Variants in PARVB observed in about 807,000 individuals in gnomAD.
PARVB encodes the protein beta-parvin.
A neutral mutation model predicts 47.0 loss-of-function variants in PARVB; 46 were observed. That is an observed-to-expected ratio of 0.98 (90% CI 0.77 to 1.25). The LOEUF (loss-of-function observed/expected upper bound fraction) is 1.25. Among genes scored for constraint, PARVB ranks in the 50% most tolerant of loss-of-function variants. The probability of loss-of-function intolerance (pLI) is 0.00; values close to 1 mark genes in which losing one functional copy is unlikely to be tolerated. For synonymous variants in PARVB, 196 were observed against 196.3 expected (o/e 1.00, Z 0.01); for missense variants, 473 against 471.6 (o/e 1.00, Z -0.03).
At chr22:44,076,476 C>T (rs1268326397) in intron 1 of PARVB, among the ~76,000 whole-genome samples, 1 of 152,166 alleles carries the variant, frequency 6.6e-6, no homozygotes, top group Non-Finnish European at 1.5e-5. Context: ...AGGGTGCAGC[C>T]CAGGGGTTCT....
rs764176950 is a variant in PARVB at position 44,079,387 on chromosome 22, G to A, written c.113-14541G>A. Reference sequence around the variant, plus strand: ...AGGATCGAGAAGCCATCTGTGTCACGTGTTCTTGGGGACAAAGAGGAGACA... The same window carrying A: ...AGGATCGAGAAGCCATCTGTGTCACATGTTCTTGGGGACAAAGAGGAGACA... On this transcript the variant is annotated intron_variant, in intron 1 of 12. Coordinates refer to ENST00000338758, the MANE Select transcript of PARVB (RefSeq NM_013327.5). 6.6e-5 allele frequency among the ~76,000 whole-genome samples: 10 copies of A among 152,298 alleles called. No individual in the cohort carries two copies. The South Asian group carries it at 1.0e-3, about 16-fold the overall frequency.
At position 44,058,747 on chromosome 22, in the gene PARVB, G is replaced by T. The variant is rs2051362643; in HGVS notation, c.112+34296G>T. On this transcript the variant is annotated intron_variant, in intron 1 of 12. Transcript: ENST00000338758. ...TTTTTGTATTTTTAGTAAAAATGGG[G>T]TTTCACTCTGTTGCGCAGGGTGGTC... 2.6e-5 allele frequency among the ~76,000 whole-genome samples: 4 copies of T among 151,960 alleles called. No homozygotes were observed. In the South Asian group the frequency reaches 8.3e-4, roughly 32 times the overall value.
chr22:44,112,275 A>G (rs997352960), intron 3 of PARVB: 1 of 152,096 alleles, frequency 6.6e-6, no homozygotes, highest in Admixed American at 6.6e-5. Flanking sequence ...TGGCTGGGTC[A>G]GTCTTCAAGA....
At chr22:44,121,252 T>C (rs556546515) in intron 4 of PARVB, among the ~76,000 whole-genome samples, 1 of 152,312 alleles carries the variant, frequency 6.6e-6, no homozygotes, top group Admixed American at 6.5e-5. Flanking sequence ...TTCTCTCATG[T>C]TGGCCTCCCA....
chr22:44,063,147 C>T (rs777166095), intron 1 of PARVB, among the ~76,000 whole-genome samples: 13 of 152,116 alleles, frequency 8.5e-5, no homozygotes, highest in South Asian at 2.1e-4. Flanking sequence ...AAAGATTGTC[C>T]TGGCACCTGG....
rs573482213 is a variant in PARVB, at chr22:44,016,327, A to G, written c.211+16654A>G. On this transcript the variant is annotated intron_variant, in intron 2 of 13. Coordinates refer to the PARVB transcript ENST00000406477. ...TAGCCAGGATGGTCTCGATCTCCTG[A>G]CTTCGTGATCCGCCCGCCTCAGCCT... is the stretch of plus-strand genomic sequence containing the variant. 2.6e-5 allele frequency among the ~76,000 whole-genome samples: 4 copies of G among 151,720 alleles called. No individual in the cohort carries two copies. The East Asian group carries it at 7.8e-4, about 29-fold the overall frequency.
At chr22:44,052,175 C>G (rs1371660575) in intron 1 of PARVB, among the ~76,000 whole-genome samples, 1 of 152,194 alleles carries the variant, frequency 6.6e-6, no homozygotes, top group African/African-American at 2.4e-5. Flanking sequence ...CTAATTGCCT[C>G]GGCGGTTCTC....
chr22:44,119,235 A>T (rs2052985637), intron 4 of PARVB, 95 bp downstream of exon 4: 1 of 855,436 alleles, frequency 1.2e-6, no homozygotes, highest in African/African-American at 1.6e-5. Context: ...CATCGGCCAC[A>T]GGTCCTAGGA....
intron 4 of PARVB, among the ~76,000 whole-genome samples, chr22:44,129,340 T>G (rs2053259474): frequency 6.6e-6 from 1 of 152,148 alleles, no homozygotes. Context: ...CTCCGTTGTT[T>G]AAGCCGCACG....
At position 44,125,469 on chromosome 22, in the gene PARVB, G is replaced by A. The variant is rs988019556; in HGVS notation, c.377-6018G>A. ...TAATAGAAGGTTATGGGGTACAGTGGTGGGTGGGGGTTGGGGAAGGCAATC... is the reference window on the plus strand; with the variant it reads ...TAATAGAAGGTTATGGGGTACAGTGATGGGTGGGGGTTGGGGAAGGCAATC... On this transcript the variant is annotated intron_variant, in intron 4 of 12. Coordinates refer to ENST00000338758, the MANE Select transcript of PARVB (RefSeq NM_013327.5). The surrounding 1 kb of genome is among the most constrained non-coding windows in gnomAD (Gnocchi z 4.1). 6.6e-6 allele frequency among the ~76,000 whole-genome samples: 1 copy of A among 152,182 alleles called. No homozygotes were observed. Among genetic ancestry groups the A allele is most frequent in the Non-Finnish European group, 1.5e-5 (1 of 68,028 alleles).
At chr22:44,069,662 G>A (rs2051610823) in intron 1 of PARVB, among the ~76,000 whole-genome samples, 1 of 152,120 alleles carries the variant, frequency 6.6e-6, no homozygotes, top group African/African-American at 2.4e-5. Context: ...CCAAGTAGCT[G>A]GGATTACAGG....
intron 2 of PARVB, among the ~76,000 whole-genome samples, chr22:44,099,279 G>A (rs541468184): frequency 1.3e-4 from 20 of 152,328 alleles, no homozygotes; most frequent in African/African-American, 4.3e-4. Flanking sequence ...GTTCAGAGGT[G>A]CTCGGCGCCC....
At chr22:44,081,572 G>T in intron 1 of PARVB, 1 of 984,978 alleles carries the variant, frequency 1.0e-6, no homozygotes. Context: ...ACCAGCGAAC[G>T]TGCTTCTCCA....
intron 1 of PARVB, among the ~76,000 whole-genome samples, chr22:44,090,852 G>A (rs1250636172): frequency 6.6e-6 from 1 of 152,230 alleles, no homozygotes; most frequent in African/African-American, 2.4e-5. Flanking sequence ...GACCCCCTGT[G>A]CTCCAGGGCT....
chr22:44,094,074 T>G, intron 2 of PARVB, 57 bp downstream of exon 2: 1 of 1,138,226 alleles, frequency 8.8e-7, no homozygotes, highest in Non-Finnish European at 1.3e-6. Context: ...TGGCACTAAG[T>G]TGGTCTTGGG....
intron 1 of PARVB, among the ~76,000 whole-genome samples, chr22:44,084,644 G>C (rs3788605): frequency 0.39 from 59,898 of 152,200 alleles, 12,089 homozygotes; most frequent in East Asian, 0.45. Flanking sequence ...TAGTCTCAGA[G>C]TCATGTTATT....
At chr22:44,023,361 A>AT (rs2050673832), upstream of PARVB, among the ~76,000 whole-genome samples, 1 of 151,682 alleles carries the variant, frequency 6.6e-6, no homozygotes, top group South Asian at 2.1e-4. Flanking sequence ...AAATACAAAA[A>AT]TTACCCGGTC....
chr22:44,099,586 A>G (rs2052393199), intron 2 of PARVB, among the ~76,000 whole-genome samples: 1 of 152,036 alleles, frequency 6.6e-6, no homozygotes, highest in Admixed American at 6.6e-5. Context: ...TACATACAAC[A>G]TTGCATATTG....
chr22:44,073,288 G>A (rs917467386), intron 1 of PARVB, among the ~76,000 whole-genome samples: 4 of 152,144 alleles, frequency 2.6e-5, no homozygotes, highest in Non-Finnish European at 4.4e-5. Context: ...TCAGGGGTTC[G>A]AGACCAGCCA....
Sources: gnomAD v4.1 joint callset for allele counts (sites outside exome capture counted in the v4.1 genomes callset) on GRCh38, gnomAD v4.1.1 for gene constraint, Gnocchi (gnomAD v3.1) non-coding constraint, MANE v1.5 for transcripts, NCBI Gene and HGNC (gene_info 2026-07-23, HGNC 2026-07-21) for gene names.